NSUN6: variants seen among roughly 807,000 people sequenced by gnomAD.
NSUN6 encodes tRNA (cytosine(72)-C(5))-methyltransferase NSUN6.
Under a neutral mutation model 58.0 loss-of-function variants are expected in NSUN6, and 64 were observed. The observed-to-expected ratio is 1.10, with a 90% CI of 0.90 to 1.36. NSUN6 has a LOEUF of 1.36. NSUN6 is among the 40% of genes most tolerant of loss of function. The probability of loss-of-function intolerance (pLI) is 0.00; values close to 1 mark genes in which losing one functional copy is unlikely to be tolerated. For synonymous variants in NSUN6, 231 were observed against 193.9 expected, an observed-to-expected ratio of 1.19 and a Z score of -1.59; for missense variants, 701 against 550.1, an observed-to-expected ratio of 1.27 and a Z score of -2.74.
rs1564853927 is a variant in NSUN6 at position 18,651,181 on chromosome 10, G to A, written c.23C>T (p.Ser8Phe). The A allele has an allele frequency of 6.3e-7, 1 of 1,575,432 alleles. No homozygotes were observed. Among genetic ancestry groups the A allele is most frequent in the African/African-American group, 1.4e-5 (1 of 72,032 alleles). The change falls in exon 1 of 11, where the codon TCT (serine) becomes TTT (phenylalanine). Residue 8 changes from serine to phenylalanine, a missense_variant. By Grantham distance (155) the Ser-to-Phe change is radical (BLOSUM62 -2). Coordinates refer to ENST00000377304, the MANE Select transcript of NSUN6 (RefSeq NM_182543.5). MSIFPKI[S>F]LRPEVENYLK... ...ATAGTTTTCAACCTCAGGTCTCAAA[G>A]ATATCTTAGGGAAAATAGACATTTT... is the stretch of plus-strand genomic sequence containing the variant.
chr10:18,585,724 T>C (rs944831693), intron 8 of NSUN6, among the ~76,000 whole-genome samples: 1 of 152,166 alleles, frequency 6.6e-6, no homozygotes, highest in African/African-American at 2.4e-5. Flanking sequence ...GTTTTTGAGA[T>C]CTACTGCACA....
At chr10:18,572,077 T>C (rs1263196480) in intron 8 of NSUN6, among the ~76,000 whole-genome samples, 2 of 151,688 alleles carry the variant, frequency 1.3e-5, no homozygotes, top group Non-Finnish European at 2.9e-5. Context: ...CATTCTCCAT[T>C]CCATTCCCTT....
intron 8 of NSUN6, among the ~76,000 whole-genome samples, chr10:18,567,821 CCTTTA>C (rs2056077608): frequency 1.3e-5 from 2 of 151,466 alleles, no homozygotes; most frequent in South Asian, 4.2e-4. Flanking sequence ...CCATTCCATT[CCTTTA>C]CATTCCATTC....
intron 3 of NSUN6, among the ~76,000 whole-genome samples, chr10:18,635,746 G>A (rs1359956753): frequency 6.6e-6 from 1 of 151,758 alleles, no homozygotes. Context: ...GCTGAGGCAG[G>A]AGAACCACTT....
chr10:18,635,923 T>C (rs899410714), intron 3 of NSUN6, among the ~76,000 whole-genome samples: 1 of 150,240 alleles, frequency 6.7e-6, no homozygotes, highest in African/African-American at 2.5e-5. Context: ...ACTGGCCAAA[T>C]GTCTAAAGTT....
chr10:18,637,764 A>G (rs1347210489), intron 3 of NSUN6, among the ~76,000 whole-genome samples: 1 of 152,234 alleles, frequency 6.6e-6, no homozygotes, highest in Non-Finnish European at 1.5e-5. Flanking sequence ...TAAATGATAA[A>G]ACATACTGTT....
rs1378474982 is a variant in NSUN6 at position 18,600,957 on chromosome 10, T to TAC, written c.658-4631_658-4630insGT. On this transcript the variant is annotated intron_variant, in intron 6 of 10. Coordinates refer to ENST00000377304, the MANE Select transcript of NSUN6 (RefSeq NM_182543.5). The stretch of plus-strand genomic sequence containing the variant: ...AAAAAAAAAAATATATATATATATA[T>TAC]ATACATATATATATATATATGTATA... Among the ~76,000 whole-genome samples the TAC allele has an allele frequency of 1.7e-3, 146 of 88,288 alleles. 3 individuals are homozygous for TAC. Among genetic ancestry groups the TAC allele is most frequent in the African/African-American group, 3.6e-3 (87 of 24,182 alleles). 57.9% of individuals were successfully genotyped at this position (88,288 alleles called of 152,430 possible).
intron 5 of NSUN6, 43 bp downstream of exon 5, chr10:18,614,417 C>A: frequency 1.7e-6 from 2 of 1,211,732 alleles, no homozygotes; most frequent in South Asian, 2.0e-5. Context: ...TTCATTGACC[C>A]ACAAAAAGGA....
At chr10:18,547,545 T>C (rs2054351275) in intron 10 of NSUN6, among the ~76,000 whole-genome samples, 1 of 152,198 alleles carries the variant, frequency 6.6e-6, no homozygotes. Context: ...TCAAATATCC[T>C]GGACTAAAAA....
intron 8 of NSUN6, among the ~76,000 whole-genome samples, chr10:18,577,628 G>A (rs143941202): frequency 9.3e-4 from 141 of 152,296 alleles, no homozygotes; most frequent in African/African-American, 2.7e-3. Context: ...AGAGCTATAA[G>A]GAAAATGTGA....
intron 8 of NSUN6, among the ~76,000 whole-genome samples, chr10:18,576,893 G>GA (rs1255107246): frequency 2.0e-5 from 3 of 152,110 alleles, no homozygotes; most frequent in Non-Finnish European, 4.4e-5. Flanking sequence ...ACCAGAGGAA[G>GA]AAAAAATAGG....
intron 1 of NSUN6, 143 bp downstream of exon 1, chr10:18,650,986 A>G (rs1405537930): frequency 2.3e-5 from 20 of 878,686 alleles, no homozygotes; most frequent in Non-Finnish European, 3.4e-5. Context: ...CTGTAGAAAC[A>G]TATTGGTATT....
chr10:18,546,687 G>T (rs897203410), intron 10 of NSUN6, among the ~76,000 whole-genome samples: 1 of 152,082 alleles, frequency 6.6e-6, no homozygotes, highest in African/African-American at 2.4e-5. Context: ...AGACCAGCCT[G>T]GCCAACAAGG....
At chr10:18,593,979 C>A (rs1344035881) in intron 7 of NSUN6, among the ~76,000 whole-genome samples, 1 of 151,678 alleles carries the variant, frequency 6.6e-6, no homozygotes, top group Non-Finnish European at 1.5e-5. Context: ...GCAGGCAGAT[C>A]ACTTGAGGCC....
chr10:18,588,663 C>T (rs756233035), intron 7 of NSUN6, among the ~76,000 whole-genome samples: 7 of 152,214 alleles, frequency 4.6e-5, no homozygotes, highest in Admixed American at 6.5e-5. Context: ...TCCAGCAAAC[C>T]GCAGCAGACC....
At chr10:18,586,779 C>CAGCT (rs141690861) in intron 7 of NSUN6, among the ~76,000 whole-genome samples, 7,363 of 152,294 alleles carry the variant, frequency 0.048, 271 homozygotes, top group Non-Finnish European at 0.077. Flanking sequence ...TAGCGGCTTG[C>CAGCT]AGCTACTGGC....
At chr10:18,586,579 A>G (rs905064970) in intron 7 of NSUN6, among the ~76,000 whole-genome samples, 4 of 151,674 alleles carry the variant, frequency 2.6e-5, no homozygotes, top group African/African-American at 9.7e-5. Flanking sequence ...TAGCTGTTCA[A>G]GGTGGTGCGT....
chr10:18,565,200 A>G (rs976434888), intron 8 of NSUN6, among the ~76,000 whole-genome samples: 1 of 147,794 alleles, frequency 6.8e-6, no homozygotes, highest in African/African-American at 2.5e-5. Context: ...TCCATTCTCC[A>G]TTCCGTTCCA....
At chr10:18,600,941 A>ATATATATATATATATATATATAT (rs1554869914) in intron 6 of NSUN6, among the ~76,000 whole-genome samples, 1 of 43,538 alleles carries the variant, frequency 2.3e-5, no homozygotes, top group Non-Finnish European at 4.5e-5. Context: ...AAAAAAAAAA[A>ATATATATATATATATATATATAT]ATATATATAT....
Sources: allele counts gnomAD v4.1 joint callset (sites outside exome capture counted in the v4.1 genomes callset), GRCh38; gene constraint gnomAD v4.1.1; transcripts MANE v1.5; gene names NCBI Gene and HGNC (gene_info 2026-07-23, HGNC 2026-07-21).